SNORC: variants seen among roughly 807,000 people sequenced by gnomAD.
SNORC encodes the protein protein SNORC.
SNORC carries 11 observed loss-of-function variants against 9.7 expected under a neutral mutation model. The observed-to-expected ratio is 1.14, with a 90% CI of 0.72 to 1.88. The LOEUF (loss-of-function observed/expected upper bound fraction) is 1.88. SNORC is among the 40% of genes most tolerant of loss of function. SNORC has a pLI of 0.00. For synonymous variants in SNORC, 108 were observed against 88.7 expected (o/e 1.22, Z -1.22); for missense variants, 197 against 173.1 (o/e 1.14, Z -0.77).
At chr2:232,876,594 G>C (rs1265622221), downstream of SNORC, 1 of 1,115,472 alleles carries the variant, frequency 9.0e-7, no homozygotes, top group East Asian at 5.0e-5. The surrounding 1 kb of genome is among the most constrained non-coding windows in gnomAD (Gnocchi z 6.8). Context: ...CGCACAGCAT[G>C]TCCGAGCCCG....
intron 1 of SNORC, among the ~76,000 whole-genome samples, chr2:232,871,055 G>A (rs1315494924): frequency 2.0e-5 from 3 of 152,194 alleles, no homozygotes; most frequent in Non-Finnish European, 4.4e-5. Context: ...TGGCTTCAGA[G>A]CCTGAGAGAC....
intron 1 of SNORC, among the ~76,000 whole-genome samples, chr2:232,874,645 A>T (rs555138441): frequency 1.3e-5 from 2 of 152,240 alleles, no homozygotes; most frequent in Non-Finnish European, 2.9e-5. Context: ...CTTCTCGAGC[A>T]TCCGCCTCTC....
downstream of SNORC, chr2:232,877,110 C>A (rs985401030): frequency 2.6e-5 from 26 of 986,022 alleles, no homozygotes; most frequent in Middle Eastern, 5.2e-4. Flanking sequence ...CCCAAGCCCC[C>A]CTCTGCCCAG....
chr2:232,870,176 G>A (rs1231146711), upstream of SNORC: 2 of 660,196 alleles, frequency 3.0e-6, no homozygotes. Flanking sequence ...GTGTTGGTGG[G>A]GGGAGCGGGG....
At chr2:232,874,491 CCTTTCTTT>C (rs1691144046) in intron 1 of SNORC, among the ~76,000 whole-genome samples, 2 of 152,206 alleles carry the variant, frequency 1.3e-5, no homozygotes, top group Non-Finnish European at 2.9e-5. Flanking sequence ...AACCTTTCGG[CCTTTCTTT>C]GTTTTTCCTA....
At chr2:232,867,910 T>TGGG (rs1574967805), upstream of SNORC, among the ~76,000 whole-genome samples, 1 of 152,352 alleles carries the variant, frequency 6.6e-6, no homozygotes, top group East Asian at 1.9e-4. Context: ...GAGGAAGATT[T>TGGG]GGAAGAAGAT....
At chr2:232,875,347 G>A (rs1559182203) in intron 1 of SNORC, 5 of 122,580 alleles carry the variant, frequency 4.1e-5, no homozygotes, top group Non-Finnish European at 1.0e-4. Flanking sequence ...GTTTCAAAAA[G>A]AGAGAGAGAG....
At chr2:232,871,510 G>A (rs1691023973) in intron 1 of SNORC, among the ~76,000 whole-genome samples, 2 of 152,186 alleles carry the variant, frequency 1.3e-5, no homozygotes, top group African/African-American at 4.8e-5. Flanking sequence ...CGGAGCTTTT[G>A]GGATGGGCCC....
intron 1 of SNORC, among the ~76,000 whole-genome samples, chr2:232,871,945 C>T (rs766382624): frequency 9.9e-5 from 15 of 152,270 alleles, no homozygotes; most frequent in Middle Eastern, 6.8e-3. Flanking sequence ...TCATTGTAGG[C>T]GGGTGGGCTT....
intron 1 of SNORC, chr2:232,875,636 C>A (rs1691199107): frequency 1.9e-6 from 1 of 515,660 alleles, no homozygotes; most frequent in Non-Finnish European, 3.5e-6. Context: ...CCTTTCTGCT[C>A]TCTGGTCCCT....
In SNORC at chr2:232,876,395, G is replaced by A. The variant is rs1691244741; in HGVS notation, c.*39G>A. The A allele has an allele frequency of 6.6e-7, 1 of 1,508,032 alleles. No homozygotes were observed. Among genetic ancestry groups the A allele is most frequent in the African/African-American group, 1.5e-5 (1 of 68,568 alleles). 93.4% of individuals were successfully genotyped at this position (1,508,032 alleles called of 1,614,324 possible). A position where few individuals can be genotyped will look rare whatever the true frequency, so the allele number is the denominator to read the frequency against. On this transcript the variant is annotated 3_prime_UTR_variant, in exon 3 of 3. Transcript: ENST00000331342. The surrounding 1 kb of genome is among the most constrained non-coding windows in gnomAD (Gnocchi z 6.8). ...GCCGCGCCCGGCCGCGGCGCGACTC[G>A]GCTGCACTCCTCACGCGCCTGTATG...
At chr2:232,872,392 G>A (rs116953396) in intron 1 of SNORC, among the ~76,000 whole-genome samples, 2,563 of 152,256 alleles carry the variant, frequency 0.017, 157 homozygotes, top group East Asian at 0.11. Context: ...GAGCAGAGGC[G>A]CCTGGCCTCA....
chr2:232,876,916 G>C (rs1040809082), downstream of SNORC: 1 of 985,360 alleles, frequency 1.0e-6, no homozygotes, highest in South Asian at 4.7e-5. The surrounding 1 kb of genome is among the most constrained non-coding windows in gnomAD (Gnocchi z 6.8). Context: ...AGAGCGTTCC[G>C]TGAGGAGGTA....
In SNORC at chr2:232,876,110, G is replaced by C; in HGVS notation, c.244G>C (p.Asp82His). Residue 82 changes from aspartate (D) to histidine (H), a missense_variant, in exon 2 of 3, where the codon GAC (aspartate) becomes CAC (histidine). By Grantham distance (81) the Asp-to-His change is moderately conservative (BLOSUM62 -1). Transcript: ENST00000331342. The surrounding 1 kb of genome is among the most constrained non-coding windows in gnomAD (Gnocchi z 6.8). ...GGACAGCACCGCGCAGGAGCGGCTG[G>C]ACCAGGGCGGCGGTACGGGCGGGGC... The C allele has an allele frequency of 2.3e-6, 3 of 1,291,244 alleles. No homozygotes were observed. Among genetic ancestry groups the C allele is most frequent in the East Asian group, 6.1e-5 (1 of 16,514 alleles). The allele number at this position is 1,291,244 out of a possible 1,614,324, so 80.0% of individuals were successfully genotyped here.
downstream of SNORC, chr2:232,878,383 GC>G (rs199742075): frequency 2.3e-4 from 37 of 158,386 alleles, no homozygotes; most frequent in African/African-American, 5.6e-4. Context: ...CCCCTGTAGG[GC>G]CCCCCCCACC....
downstream of SNORC, chr2:232,877,448 G>T: frequency 1.2e-6 from 1 of 805,794 alleles, no homozygotes; most frequent in Non-Finnish European, 1.5e-6. Context: ...CCTTTGGAGG[G>T]AAGGGTTGGA....
chr2:232,868,778 C>T (rs1256164196), upstream of SNORC, among the ~76,000 whole-genome samples: 1 of 152,204 alleles, frequency 6.6e-6, no homozygotes, highest in Non-Finnish European at 1.5e-5. Context: ...AACAGAGCTG[C>T]TCCTAGATGC....
At chr2:232,876,469 CGCAGGCGAGCGCTCAGG>C (rs1340751394), downstream of SNORC, 2 of 1,354,210 alleles carry the variant, frequency 1.5e-6, no homozygotes, top group African/African-American at 3.1e-5. This position sits in a 1 kb window ranked among gnomAD's most constrained non-coding sequence, Gnocchi z 6.8. Flanking sequence ...CGTGAGCGCG[CGCAGGCGAGCGCTCAGG>C]GCGGGGGTGC....
At chr2:232,875,438 C>A in intron 1 of SNORC, 1 of 376,048 alleles carries the variant, frequency 2.7e-6, no homozygotes, top group Non-Finnish European at 5.7e-6. Context: ...CAAGAGCCGA[C>A]CTACCATCCC....
Sources: allele counts gnomAD v4.1 joint callset (sites outside exome capture counted in the v4.1 genomes callset), GRCh38; gene constraint gnomAD v4.1.1; non-coding constraint Gnocchi (gnomAD v3.1); transcripts MANE v1.5; gene names NCBI Gene and HGNC (gene_info 2026-07-23, HGNC 2026-07-21).